SOX5: variants seen among roughly 807,000 people sequenced by gnomAD.
The protein encoded by SOX5 is SRY-box transcription factor 5, also known as transcription factor SOX-5.
Under a neutral mutation model 92.0 loss-of-function variants are expected in SOX5, and 9 were observed. The observed-to-expected ratio is 0.10, with a 90% CI of 0.06 to 0.17. The LOEUF (loss-of-function observed/expected upper bound fraction) is 0.17, where lower values mean the gene tolerates loss of function less well. Ranked by LOEUF, SOX5 falls within the 10% of genes least tolerant of loss-of-function variation. The pLI is 1.00. For missense variants in SOX5, 642 were observed against 944.5 expected (o/e 0.68, Z 4.20); for synonymous variants, 344 against 336.3 (o/e 1.02, Z -0.25).
At chr12:24,513,767 G>A (rs1413105593) in intron 1 of SOX5, among the ~76,000 whole-genome samples, 21 of 152,182 alleles carry the variant, frequency 1.4e-4, no homozygotes. Flanking sequence ...TACTCTCACA[G>A]TGTCACAATA....
At chr12:23,559,901 G>A (rs34722889) in intron 11 of SOX5, among the ~76,000 whole-genome samples, 51,603 of 151,754 alleles carry the variant, frequency 0.34, 8,955 homozygotes, top group Admixed American at 0.38. Context: ...GGTTTGGGGA[G>A]TTAGGAGTGT....
chr12:24,544,978 T>G (rs1217970763), intron 1 of SOX5, among the ~76,000 whole-genome samples: 1 of 152,230 alleles, frequency 6.6e-6, no homozygotes, highest in African/African-American at 2.4e-5. Context: ...CCCCTTTCTG[T>G]GTGTTTACTG....
chr12:23,823,187 T>C (rs975120143), intron 3 of SOX5, among the ~76,000 whole-genome samples: 28 of 152,188 alleles, frequency 1.8e-4, no homozygotes, highest in South Asian at 2.1e-4. Flanking sequence ...TTGCCTATTG[T>C]TTGATGCAGT....
chr12:23,733,915 T>C (rs1371299809), intron 6 of SOX5, among the ~76,000 whole-genome samples: 1 of 152,158 alleles, frequency 6.6e-6, no homozygotes, highest in African/African-American at 2.4e-5. Context: ...CAAGTGAGTA[T>C]TGAGCCCTGA....
chr12:23,535,062 T>C (rs1940029256), intron 14 of SOX5, among the ~76,000 whole-genome samples: 1 of 152,220 alleles, frequency 6.6e-6, no homozygotes, highest in South Asian at 2.1e-4. Flanking sequence ...TTGACATGTG[T>C]TGTCCATCTT....
chr12:24,517,898 A>C (rs1949939157), intron 1 of SOX5, among the ~76,000 whole-genome samples: 1 of 152,140 alleles, frequency 6.6e-6, no homozygotes, highest in African/African-American at 2.4e-5. Context: ...AATTCCTACT[A>C]TTTTCAAGTA....
chr12:24,428,292 G>A (rs904077127), intron 1 of SOX5, among the ~76,000 whole-genome samples: 16 of 150,658 alleles, frequency 1.1e-4, no homozygotes, highest in African/African-American at 3.9e-4. Context: ...TTGGGAAAAT[G>A]TGCACTCTTT....
At chr12:23,571,562 A>G (rs866862463) in intron 10 of SOX5, among the ~76,000 whole-genome samples, 7 of 152,194 alleles carry the variant, frequency 4.6e-5, no homozygotes, top group Admixed American at 2.0e-4. Flanking sequence ...TAAATGGCCG[A>G]GAAGAGCATC....
At chr12:23,824,853 C>T (rs1205542639) in intron 3 of SOX5, among the ~76,000 whole-genome samples, 2 of 152,328 alleles carry the variant, frequency 1.3e-5, no homozygotes, top group East Asian at 3.9e-4. Context: ...GGGCTCTGCC[C>T]AGTCTGAATT....
At chr12:24,014,487 G>A (rs1953345449) in intron 4 of SOX5, among the ~76,000 whole-genome samples, 1 of 152,148 alleles carries the variant, frequency 6.6e-6, no homozygotes, top group East Asian at 1.9e-4. Flanking sequence ...CAAACAGCCT[G>A]GCAGCACCAC....
At chr12:24,150,629 A>T (rs1951562795) in intron 4 of SOX5, among the ~76,000 whole-genome samples, 1 of 152,158 alleles carries the variant, frequency 6.6e-6, no homozygotes, top group African/African-American at 2.4e-5. Context: ...AAGGAAGAAG[A>T]TGATATAAAG....
At chr12:23,944,209 C>G (rs559650548) in intron 1 of SOX5, 1 of 152,060 alleles carries the variant, frequency 6.6e-6, no homozygotes, top group Non-Finnish European at 1.5e-5. Flanking sequence ...TGGTCCTTCT[C>G]GGCAGCCCAC....
chr12:23,813,932 G>C (rs1311953555), intron 3 of SOX5, among the ~76,000 whole-genome samples: 1 of 151,980 alleles, frequency 6.6e-6, no homozygotes. Flanking sequence ...GGCAAAATAA[G>C]GGCGATATTT....
intron 4 of SOX5, among the ~76,000 whole-genome samples, chr12:23,980,735 A>G (rs141102774): frequency 6.6e-6 from 1 of 151,698 alleles, no homozygotes; most frequent in African/African-American, 2.4e-5. Flanking sequence ...GTTTGTCCCC[A>G]TCTCTCTCCC....
chr12:24,464,500 C>A (rs1007359608), intron 1 of SOX5, among the ~76,000 whole-genome samples: 1 of 152,038 alleles, frequency 6.6e-6, no homozygotes, highest in African/African-American at 2.4e-5. Context: ...ACCACCACGC[C>A]CAGCTAATTT....
In SOX5 at chr12:24,048,810, A is replaced by G. The variant is rs146172271; in HGVS notation, c.-1-152786T>C. Among the ~76,000 whole-genome samples, 368 of 152,302 alleles carry G rather than the reference A, an allele frequency of 2.4e-3. 5 individuals carry two copies. Among genetic ancestry groups the G allele is most frequent in the East Asian group, 0.013 (66 of 5,184 alleles). On this transcript the variant is annotated intron_variant, in intron 4 of 4. Transcript: ENST00000446891. ...TTATTTGAAATATCCCAAATAGACA[A>G]GTTTATAAAGACAGAAAGTAGATTA...
intron 4 of SOX5, among the ~76,000 whole-genome samples, chr12:24,193,514 C>G (rs1956726215): frequency 6.6e-6 from 1 of 152,208 alleles, no homozygotes; most frequent in South Asian, 2.1e-4. Flanking sequence ...TCAAGTATCA[C>G]TACCACATTT....
chr12:23,610,860 T>G (rs1301264719), intron 8 of SOX5, among the ~76,000 whole-genome samples: 1 of 152,116 alleles, frequency 6.6e-6, no homozygotes, highest in African/African-American at 2.4e-5. Flanking sequence ...TGAAGATTAT[T>G]TGAAAAAAGT....
At chr12:24,049,071 A>G (rs942282061) in intron 4 of SOX5, among the ~76,000 whole-genome samples, 5 of 152,212 alleles carry the variant, frequency 3.3e-5, no homozygotes, top group African/African-American at 4.8e-5. Context: ...ATGCAGTTAC[A>G]TAAAATCTTA....
Sources: gnomAD v4.1 joint callset for allele counts (sites outside exome capture counted in the v4.1 genomes callset) on GRCh38, gnomAD v4.1.1 for gene constraint, MANE v1.5 for transcripts, NCBI Gene and HGNC (gene_info 2026-07-23, HGNC 2026-07-21) for gene names.